CDC42EP4: variants seen among roughly 807,000 people sequenced by gnomAD.
CDC42EP4 encodes CDC42 effector protein (Rho GTPase binding) 4.
Under a neutral mutation model 5.6 loss-of-function variants are expected in CDC42EP4, and 6 were observed. The ratio of observed to expected loss-of-function variants is 1.07; its 90% confidence interval spans 0.59 to 2.12. The LOEUF (loss-of-function observed/expected upper bound fraction) is 2.12, where lower values mean the gene tolerates loss of function less well. CDC42EP4 is among the 30% of genes most tolerant of loss of function. CDC42EP4 has a pLI of 0.00. For synonymous variants in CDC42EP4, 230 were observed against 224.2 expected, an observed-to-expected ratio of 1.03 and a Z score of -0.23; for missense variants, 490 against 508.6, an observed-to-expected ratio of 0.96 and a Z score of 0.35.
chr17:73,285,654 C>T lies in CDC42EP4; in HGVS notation c.847G>A (p.Asp283Asn), dbSNP rs2062128279. The T allele has an allele frequency of 1.3e-6, 2 of 1,590,088 alleles. No individual in the cohort carries two copies. Among genetic ancestry groups the T allele is most frequent in the South Asian group, 1.1e-5 (1 of 89,322 alleles). ...LPSLPSHALE[D>N]EGWAAAAPSP... ...GGGGCCGCTGCTGCCCACCCCTCAT[C>T]CTCCAGAGCATGGGAGGGGAGGGAG... The change falls in exon 2 of 2, where the codon GAT becomes AAT. Residue 283 changes from aspartate to asparagine, a missense_variant. Asp to Asn is a conservative substitution (Grantham distance 23). Coordinates refer to ENST00000335793, the MANE Select transcript of CDC42EP4 (RefSeq NM_012121.5). The surrounding 1 kb of genome is among the most constrained non-coding windows in gnomAD (Gnocchi z 6.8).
In CDC42EP4 at chr17:73,304,560, A is replaced by T. The variant is rs2062235498; in HGVS notation, c.-113+7333T>A. On this transcript the variant is annotated intron_variant, in intron 1 of 1. Coordinates refer to ENST00000335793, the MANE Select transcript of CDC42EP4 (RefSeq NM_012121.5). Reference sequence around the variant, plus strand: ...CGAGACTTAGAGGGGCACGTGCTCTACTCAAGTCACACACGGTTGGTTAGG... The same window carrying T: ...CGAGACTTAGAGGGGCACGTGCTCTTCTCAAGTCACACACGGTTGGTTAGG... 2.0e-5 allele frequency among the ~76,000 whole-genome samples: 3 copies of T among 147,278 alleles called. No homozygotes were observed. In the South Asian group the frequency reaches 6.4e-4, roughly 32 times the overall value.
chr17:73,306,037 G>T (rs543021479), intron 1 of CDC42EP4, among the ~76,000 whole-genome samples: 2 of 152,130 alleles, frequency 1.3e-5, no homozygotes. Context: ...CCCTCATCCC[G>T]TCACCTTTTA....
intron 1 of CDC42EP4, among the ~76,000 whole-genome samples, chr17:73,289,500 C>G (rs572973111): frequency 5.3e-5 from 8 of 151,824 alleles, no homozygotes; most frequent in African/African-American, 1.7e-4. Context: ...CTTGACCCCA[C>G]GCATCCTCAT....
chr17:73,303,039 G>A (rs1377066436), intron 1 of CDC42EP4, among the ~76,000 whole-genome samples: 3 of 61,548 alleles, frequency 4.9e-5, no homozygotes, highest in African/African-American at 9.1e-5. Context: ...ATCAGACTCC[G>A]TCTCAAAAAA....
At chr17:73,291,877 C>A (rs2062163193) in intron 1 of CDC42EP4, among the ~76,000 whole-genome samples, 1 of 152,152 alleles carries the variant, frequency 6.6e-6, no homozygotes, top group African/African-American at 2.4e-5. Flanking sequence ...AAGGTCAGGC[C>A]CCTGCTTGGG....
At chr17:73,294,916 C>T (rs2062177300) in intron 1 of CDC42EP4, among the ~76,000 whole-genome samples, 2 of 152,126 alleles carry the variant, frequency 1.3e-5, no homozygotes, top group African/African-American at 4.8e-5. Flanking sequence ...TCAGGCAATT[C>T]TCCTGCCTTA....
chr17:73,286,489 G>T lies in CDC42EP4; in HGVS notation c.12C>A (p.Leu4=). Reference sequence around the variant, plus strand: ...GCACCGAGCTGGACACCAGTTGCTTGAGGATTGGCATCTTGCTGGATGGGC... The same window carrying T: ...GCACCGAGCTGGACACCAGTTGCTTTAGGATTGGCATCTTGCTGGATGGGC... MPI[L]KQLVSSSVHS... The change falls in exon 2 of 2, where the codon CTC becomes CTA. Residue 4 remains leucine (L), a synonymous_variant. Coordinates refer to ENST00000335793, the MANE Select transcript of CDC42EP4 (RefSeq NM_012121.5). The surrounding 1 kb of genome is among the most constrained non-coding windows in gnomAD (Gnocchi z 7.7). 6.3e-7 allele frequency: 1 copy of T among 1,592,016 alleles called. No individual in the cohort carries two copies.
chr17:73,293,325 A>T (rs2062170216), intron 1 of CDC42EP4, among the ~76,000 whole-genome samples: 1 of 152,152 alleles, frequency 6.6e-6, no homozygotes, highest in Admixed American at 6.5e-5. Flanking sequence ...GTCAAAGAGG[A>T]TGGAGACCAG....
In CDC42EP4 at chr17:73,285,180, G is replaced by T; in HGVS notation, c.*250C>A. ...AACCTATTCCTGCTGTGACAACACA[G>T]CCCTTGTCCCACGCAGCCTAAGTGC... On this transcript the variant is annotated 3_prime_UTR_variant, in exon 2 of 2. Coordinates refer to ENST00000335793, the MANE Select transcript of CDC42EP4 (RefSeq NM_012121.5). The surrounding 1 kb of genome is among the most constrained non-coding windows in gnomAD (Gnocchi z 6.8). 1 of 368,504 alleles carries T rather than the reference G, an allele frequency of 2.7e-6. No homozygotes were observed. The highest frequency in any genetic ancestry group is 4.9e-6 in the Non-Finnish European group (1 of 203,612). The allele number at this position is 368,504 out of a possible 1,614,324, so 22.8% of individuals were successfully genotyped here.
rs567295387 is a variant in CDC42EP4, at chr17:73,302,054, G to A, written c.-113+9839C>T. On this transcript the variant is annotated intron_variant, in intron 1 of 1. Coordinates refer to ENST00000335793, the MANE Select transcript of CDC42EP4 (RefSeq NM_012121.5). Reference sequence around the variant, plus strand: ...TCACTGTGTTGGCCAGGCTGGTCTTGAACTCCTGACCTCAGGTGATCCACC... The same window carrying A: ...TCACTGTGTTGGCCAGGCTGGTCTTAAACTCCTGACCTCAGGTGATCCACC... Among the ~76,000 whole-genome samples the A allele has an allele frequency of 2.0e-5, 3 of 152,112 alleles. No individual in the cohort carries two copies. The East Asian group carries it at 5.8e-4, about 29-fold the overall frequency.
chr17:73,302,952 G>A (rs2062226188), intron 1 of CDC42EP4, among the ~76,000 whole-genome samples: 1 of 150,870 alleles, frequency 6.6e-6, no homozygotes, highest in Non-Finnish European at 1.5e-5. Context: ...GCTGAGGCAG[G>A]AGAATGGCGT....
At chr17:73,311,197 C>A (rs2062273157) in intron 1 of CDC42EP4, 1 of 152,046 alleles carries the variant, frequency 6.6e-6, no homozygotes, top group Non-Finnish European at 1.5e-5. Context: ...TCCGAGGGAG[C>A]GGGCGGGGCG....
intron 1 of CDC42EP4, among the ~76,000 whole-genome samples, chr17:73,299,240 G>A (rs1466148058): frequency 6.6e-6 from 1 of 151,800 alleles, no homozygotes; most frequent in South Asian, 2.1e-4. Context: ...TGGCTAACAC[G>A]GTGAAACCCT....
intron 1 of CDC42EP4, among the ~76,000 whole-genome samples, chr17:73,304,276 TC>T (rs1364438012): frequency 0.025 from 3,470 of 141,414 alleles, 97 homozygotes; most frequent in East Asian, 0.091. Context: ...TTCTTCTTCT[TC>T]TTTTTTTTTT....
intron 1 of CDC42EP4, among the ~76,000 whole-genome samples, chr17:73,291,003 C>T (rs1268010016): frequency 6.6e-6 from 1 of 152,166 alleles, no homozygotes; most frequent in Non-Finnish European, 1.5e-5. Context: ...TTAGCCACAC[C>T]ACCCAGCACA....
chr17:73,302,048 G>T (rs1351917647), intron 1 of CDC42EP4, among the ~76,000 whole-genome samples: 2 of 152,168 alleles, frequency 1.3e-5, no homozygotes, highest in African/African-American at 2.4e-5. Context: ...TGGCCAGGCT[G>T]GTCTTGAACT....
intron 1 of CDC42EP4, among the ~76,000 whole-genome samples, chr17:73,302,904 C>T (rs935081120): frequency 6.7e-6 from 1 of 150,306 alleles, no homozygotes; most frequent in African/African-American, 2.5e-5. Context: ...ATTAGCTGGG[C>T]ATGGTGGCGG....
intron 1 of CDC42EP4, among the ~76,000 whole-genome samples, chr17:73,304,830 G>A (rs1249528516): frequency 6.6e-6 from 1 of 152,100 alleles, no homozygotes; most frequent in Non-Finnish European, 1.5e-5. Flanking sequence ...CCACTCCAGG[G>A]AACTTATAGA....
Position 73,283,936 on chromosome 17 carries a change from T to C in CDC42EP4, c.*1494A>G, listed in dbSNP as rs1042988. 0.43 allele frequency: 65,153 copies of C among 151,882 alleles called. 14,005 individuals carry two copies. The highest frequency in any genetic ancestry group is 0.53 in the South Asian group (2,539 of 4,818). 9.4% of individuals were successfully genotyped at this position (151,882 alleles called of 1,614,324 possible). On this transcript the variant is annotated 3_prime_UTR_variant, in exon 2 of 2. Coordinates refer to ENST00000335793, the MANE Select transcript of CDC42EP4 (RefSeq NM_012121.5). Reference sequence around the variant, plus strand: ...GTTGGTTCTGTGTCTCCCCCTCCCCTCACTGGCTACATGGAGACAGGGAGG... The same window carrying C: ...GTTGGTTCTGTGTCTCCCCCTCCCCCCACTGGCTACATGGAGACAGGGAGG...
Sources: gnomAD v4.1 joint callset for allele counts (sites outside exome capture counted in the v4.1 genomes callset) on GRCh38, gnomAD v4.1.1 for gene constraint, Gnocchi (gnomAD v3.1) non-coding constraint, MANE v1.5 for transcripts, NCBI Gene and HGNC (gene_info 2026-07-23, HGNC 2026-07-21) for gene names.